OPCML: variants seen among roughly 807,000 people sequenced by gnomAD.
The protein encoded by OPCML is opioid binding protein/cell adhesion molecule like, also known as opioid-binding protein/cell adhesion molecule.
A neutral mutation model predicts 37.8 loss-of-function variants in OPCML; 13 were observed. The ratio of observed to expected loss-of-function variants is 0.34; its 90% CI spans 0.22 to 0.55. OPCML has a LOEUF of 0.55. Ranked by LOEUF, OPCML falls within the 20% of genes least tolerant of loss-of-function variation. The pLI is 0.91. For synonymous variants in OPCML, 176 were observed against 168.8 expected (o/e 1.04, Z -0.33); for missense variants, 341 against 435.6 (o/e 0.78, Z 1.93).
At chr11:133,218,243 C>A (rs1483769156) in intron 1 of OPCML, among the ~76,000 whole-genome samples, 2 of 151,952 alleles carry the variant, frequency 1.3e-5, no homozygotes, top group Non-Finnish European at 1.5e-5. Flanking sequence ...GAGCTAAAAA[C>A]CAATCTAGGA....
intron 7 of OPCML, among the ~76,000 whole-genome samples, chr11:132,423,827 G>A (rs2095968359): frequency 6.6e-6 from 1 of 152,166 alleles, no homozygotes; most frequent in African/African-American, 2.4e-5. Context: ...AAGCTACAGA[G>A]CCACCTGTGT....
At chr11:133,082,964 C>A (rs1948758812) in intron 1 of OPCML, among the ~76,000 whole-genome samples, 1 of 150,986 alleles carries the variant, frequency 6.6e-6, no homozygotes, top group Non-Finnish European at 1.5e-5. Flanking sequence ...GCCGGGACCG[C>A]ACCTCGTCCG....
At chr11:133,332,757 T>C (rs569733474) in intron 1 of OPCML, among the ~76,000 whole-genome samples, 5 of 152,310 alleles carry the variant, frequency 3.3e-5, no homozygotes, top group African/African-American at 9.6e-5. Context: ...TGAATCACAT[T>C]GATTAGTTTT....
chr11:133,328,887 C>A, intron 1 of OPCML, among the ~76,000 whole-genome samples: 1 of 152,150 alleles, frequency 6.6e-6, no homozygotes, highest in East Asian at 1.9e-4. Context: ...AAGAGGAAGT[C>A]AAATTGTCCC....
Position 133,342,510 on chromosome 11 carries a change from G to C in OPCML, c.61+189754C>G, listed in dbSNP as rs995094365. Among the ~76,000 whole-genome samples, 6 of 152,294 alleles carry C rather than the reference G, an allele frequency of 3.9e-5. No individual in the cohort carries two copies. In the East Asian group the frequency reaches 1.2e-3, roughly 29 times the overall value. ...CAGAAAGATTGATCAAAGTGATGAGGAGCAAATCTCCCTGCCGCCTACTGA... is the reference window on the plus strand; with the variant it reads ...CAGAAAGATTGATCAAAGTGATGAGCAGCAAATCTCCCTGCCGCCTACTGA... On this transcript the variant is annotated intron_variant, in intron 1 of 7. Coordinates refer to ENST00000524381, the MANE Select transcript of OPCML (RefSeq NM_001012393.5).
chr11:133,004,987 C>T (rs923896158), intron 1 of OPCML: 9 of 985,318 alleles, frequency 9.1e-6, no homozygotes, highest in Non-Finnish European at 1.1e-5. Context: ...ACCTGGACTG[C>T]TGCACTCTTA....
At chr11:133,265,000 G>A (rs574122016) in intron 1 of OPCML, among the ~76,000 whole-genome samples, 148 of 152,274 alleles carry the variant, frequency 9.7e-4, no homozygotes, top group African/African-American at 3.4e-3. Flanking sequence ...AACTGCCAGG[G>A]TCCTACCGAG....
chr11:132,446,284 C>G (rs900230863), intron 4 of OPCML, among the ~76,000 whole-genome samples: 2 of 143,572 alleles, frequency 1.4e-5, no homozygotes, highest in Admixed American at 7.0e-5. Context: ...AATGAAAGTG[C>G]AGTATGTGTG....
At chr11:133,361,526 C>G (rs1041982512) in intron 1 of OPCML, 2 of 156,078 alleles carry the variant, frequency 1.3e-5, no homozygotes, top group African/African-American at 4.8e-5. Context: ...ATCAGTGCAC[C>G]CGTGTCCCGG....
chr11:133,241,797 C>T (rs1940741514), intron 1 of OPCML, among the ~76,000 whole-genome samples: 1 of 152,204 alleles, frequency 6.6e-6, no homozygotes, highest in Admixed American at 6.5e-5. Context: ...CACTGCGGGC[C>T]ATCCTCAGAA....
intron 2 of OPCML, among the ~76,000 whole-genome samples, chr11:132,826,580 A>C (rs982691776): frequency 1.3e-5 from 2 of 152,214 alleles, no homozygotes; most frequent in African/African-American, 4.8e-5. Context: ...AGCAGAAAAG[A>C]ATACTTTATG....
chr11:132,869,567 C>T (rs1942715165), intron 2 of OPCML, among the ~76,000 whole-genome samples: 1 of 152,036 alleles, frequency 6.6e-6, no homozygotes, highest in Non-Finnish European at 1.5e-5. Flanking sequence ...TCCTTAAACA[C>T]AATTTGATAA....
rs555007467 is a variant in OPCML at position 133,061,946 on chromosome 11, G to A, written c.62-118936C>T. Among the ~76,000 whole-genome samples, 925 of 152,252 alleles carry A rather than the reference G, an allele frequency of 6.1e-3. 10 individuals carry two copies. Among genetic ancestry groups the A allele is most frequent in the African/African-American group, 0.021 (878 of 41,528 alleles). ...GTTTGAGAATTTCATGGAAACTTTTGAGGAAGCCCATTGGATGGGGGCATA... is the reference window on the plus strand; with the variant it reads ...GTTTGAGAATTTCATGGAAACTTTTAAGGAAGCCCATTGGATGGGGGCATA... On this transcript the variant is annotated intron_variant, in intron 1 of 7. Transcript: ENST00000524381.
At chr11:132,710,041 C>A (rs1261677860) in intron 2 of OPCML, among the ~76,000 whole-genome samples, 2 of 152,096 alleles carry the variant, frequency 1.3e-5, no homozygotes, top group Non-Finnish European at 2.9e-5. Context: ...AATAAATATT[C>A]CCCATTTATA....
chr11:132,586,765 C>T (rs2137674102), intron 3 of OPCML, among the ~76,000 whole-genome samples: 1 of 152,156 alleles, frequency 6.6e-6, no homozygotes, highest in South Asian at 2.1e-4. Flanking sequence ...TGTGTTTACT[C>T]CACAGAGAAG....
chr11:132,482,844 A>G (rs1287439511), intron 4 of OPCML, among the ~76,000 whole-genome samples: 1 of 151,364 alleles, frequency 6.6e-6, no homozygotes, highest in African/African-American at 2.4e-5. Context: ...ATAGATGCAG[A>G]AAAGGCCTTT....
chr11:133,216,135 C>T (rs765002239), intron 1 of OPCML, among the ~76,000 whole-genome samples: 3 of 152,204 alleles, frequency 2.0e-5, no homozygotes, highest in Non-Finnish European at 4.4e-5. Flanking sequence ...CCTCATCTGA[C>T]TTCGGATTCC....
intron 1 of OPCML, among the ~76,000 whole-genome samples, chr11:133,131,897 AT>A (rs1949609841): frequency 6.6e-6 from 1 of 152,180 alleles, no homozygotes; most frequent in Non-Finnish European, 1.5e-5. Context: ...TGCTGGAAAA[AT>A]TGCATATCCA....
chr11:132,809,277 A>G (rs1939191790), intron 2 of OPCML, among the ~76,000 whole-genome samples: 3 of 152,212 alleles, frequency 2.0e-5, no homozygotes, highest in Non-Finnish European at 1.5e-5. Flanking sequence ...GCAGGGAAAT[A>G]GCGAAATGAG....
Sources: allele counts gnomAD v4.1 joint callset (sites outside exome capture counted in the v4.1 genomes callset), GRCh38; gene constraint gnomAD v4.1.1; transcripts MANE v1.5; gene names NCBI Gene and HGNC (gene_info 2026-07-23, HGNC 2026-07-21).